Variants in TAFA2 observed in about 807,000 individuals in gnomAD.
TAFA2 encodes chemokine-like protein TAFA-2.
Under a neutral mutation model 18.8 loss-of-function variants are expected in TAFA2, and 7 were observed. The ratio of observed to expected loss-of-function variants is 0.37; its 90% CI spans 0.21 to 0.70. The LOEUF is 0.70. Ranked by LOEUF, TAFA2 falls within the 30% of genes least tolerant of loss-of-function variation. The pLI is 0.53. For missense variants in TAFA2, 122 were observed against 158.1 expected, an observed-to-expected ratio of 0.77 and a Z score of 1.23; for synonymous variants, 60 against 54.2, an observed-to-expected ratio of 1.11 and a Z score of -0.47.
intron 1 of TAFA2, among the ~76,000 whole-genome samples, chr12:61,930,385 A>G (rs374642469): frequency 3.9e-5 from 6 of 152,188 alleles, no homozygotes; most frequent in East Asian, 1.9e-4. Context: ...ATGCTAAGAA[A>G]CCACTTCAAT....
chr12:61,806,771 T>G (rs186011290), intron 2 of TAFA2, among the ~76,000 whole-genome samples: 7 of 152,248 alleles, frequency 4.6e-5, no homozygotes, highest in African/African-American at 1.7e-4. Flanking sequence ...GTGATGCTTG[T>G]TATGTTTTAG....
chr12:61,977,229 G>A (rs528358128), intron 1 of TAFA2, among the ~76,000 whole-genome samples: 17 of 152,014 alleles, frequency 1.1e-4, no homozygotes, highest in East Asian at 3.9e-4. Flanking sequence ...CTCATTAAAC[G>A]GTAGATGTGA....
chr12:61,876,916 G>C (rs1009466185), intron 1 of TAFA2, among the ~76,000 whole-genome samples: 1 of 152,228 alleles, frequency 6.6e-6, no homozygotes, highest in Non-Finnish European at 1.5e-5. Flanking sequence ...CAATGAAAGA[G>C]ACAGCGATGC....
At chr12:62,168,400 C>T (rs879872766) in intron 1 of TAFA2, among the ~76,000 whole-genome samples, 11 of 152,022 alleles carry the variant, frequency 7.2e-5, no homozygotes, top group Non-Finnish European at 1.5e-4. Flanking sequence ...AAACAGAGAA[C>T]AAATAAAGAG....
intron 4 of TAFA2, among the ~76,000 whole-genome samples, chr12:61,742,260 G>A (rs1487775645): frequency 6.6e-6 from 1 of 152,074 alleles, no homozygotes; most frequent in African/African-American, 2.4e-5. Flanking sequence ...TGTATATTCT[G>A]CAGTGTTTAC....
At chr12:61,862,550 G>C (rs1224169256) in intron 2 of TAFA2, among the ~76,000 whole-genome samples, 1 of 152,154 alleles carries the variant, frequency 6.6e-6, no homozygotes, top group Non-Finnish European at 1.5e-5. Flanking sequence ...CTTAAGAGCA[G>C]GATATTATTG....
At chr12:62,024,566 A>G (rs1222417275) in intron 1 of TAFA2, among the ~76,000 whole-genome samples, 1 of 152,134 alleles carries the variant, frequency 6.6e-6, no homozygotes, top group Non-Finnish European at 1.5e-5. Flanking sequence ...AGAATTTGTG[A>G]CTAAGTCTTC....
At chr12:61,864,222 C>A (rs549889305) in intron 2 of TAFA2, among the ~76,000 whole-genome samples, 1 of 151,848 alleles carries the variant, frequency 6.6e-6, no homozygotes, top group African/African-American at 2.4e-5. Flanking sequence ...CATCAGCTCA[C>A]AAAATTTTTC....
chr12:62,084,698 T>C (rs757689205), intron 1 of TAFA2, among the ~76,000 whole-genome samples: 2 of 152,124 alleles, frequency 1.3e-5, no homozygotes, highest in Non-Finnish European at 2.9e-5. Context: ...AAAGAAGTAG[T>C]AGAGTTATCA....
intron 4 of TAFA2, among the ~76,000 whole-genome samples, chr12:61,722,581 C>T (rs941643815): frequency 4.6e-5 from 7 of 151,696 alleles, no homozygotes; most frequent in Non-Finnish European, 1.0e-4. Context: ...TAAGAAAAAG[C>T]GAGTCGCATA....
At chr12:61,833,606 C>T (rs12321503) in intron 2 of TAFA2, among the ~76,000 whole-genome samples, 4,105 of 151,950 alleles carry the variant, frequency 0.027, 186 homozygotes, top group African/African-American at 0.093. Flanking sequence ...CAACTTAAAT[C>T]GTGTAACTTC....
At chr12:61,969,055 G>C (rs1244868748) in intron 1 of TAFA2, among the ~76,000 whole-genome samples, 1 of 151,640 alleles carries the variant, frequency 6.6e-6, no homozygotes, top group Non-Finnish European at 1.5e-5. Flanking sequence ...TTATCACACA[G>C]GAAACACTGA....
chr12:61,853,886 C>G (rs1407550623), intron 2 of TAFA2, among the ~76,000 whole-genome samples: 1 of 152,140 alleles, frequency 6.6e-6, no homozygotes, highest in Non-Finnish European at 1.5e-5. Context: ...ACTTGTAACA[C>G]ACTCCCACCC....
intron 1 of TAFA2, among the ~76,000 whole-genome samples, chr12:62,154,714 T>C (rs1352539999): frequency 6.6e-6 from 1 of 152,104 alleles, no homozygotes; most frequent in Non-Finnish European, 1.5e-5. Context: ...TTTACGATAA[T>C]TTTTCTAATG....
intron 2 of TAFA2, among the ~76,000 whole-genome samples, chr12:61,864,333 ATAGAAATATATGG>A (rs1174081672): frequency 6.7e-6 from 1 of 150,258 alleles, no homozygotes; most frequent in Non-Finnish European, 1.5e-5. Flanking sequence ...ATAGAAATAT[ATAGAAATATATGG>A]TATATATTTC....
At chr12:62,084,676 TA>T (rs927631075) in intron 1 of TAFA2, among the ~76,000 whole-genome samples, 1 of 152,148 alleles carries the variant, frequency 6.6e-6, no homozygotes, top group African/African-American at 2.4e-5. Flanking sequence ...GGCTTAGAGG[TA>T]AAAACTGGAC....
At chr12:62,116,701 G>C (rs191612538) in intron 1 of TAFA2, among the ~76,000 whole-genome samples, 1 of 152,050 alleles carries the variant, frequency 6.6e-6, no homozygotes, top group East Asian at 1.9e-4. Flanking sequence ...ACCTAGAACG[G>C]GACCTGGAAA....
intron 1 of TAFA2, among the ~76,000 whole-genome samples, chr12:62,029,788 A>G (rs1000484829): frequency 6.6e-6 from 1 of 150,884 alleles, no homozygotes; most frequent in African/African-American, 2.4e-5. Flanking sequence ...CCCACACGGA[A>G]GAACCACATT....
intron 1 of TAFA2, among the ~76,000 whole-genome samples, chr12:61,898,196 C>A (rs1592469380): frequency 6.6e-6 from 1 of 152,176 alleles, no homozygotes; most frequent in East Asian, 1.9e-4. Context: ...CCCACCCAAC[C>A]ACCACCCCCA....
Sources: allele counts gnomAD v4.1 joint callset (sites outside exome capture counted in the v4.1 genomes callset), GRCh38; gene constraint gnomAD v4.1.1; transcripts MANE v1.5; gene names NCBI Gene and HGNC (gene_info 2026-07-23, HGNC 2026-07-21).